CEP128: variants seen among roughly 807,000 people sequenced by gnomAD.
CEP128 encodes the protein centrosomal protein 128kDa.
In CEP128, 132 loss-of-function variants were observed where a neutral mutation model predicts 156.7. The observed-to-expected ratio is 0.84, with a 90% confidence interval of 0.73 to 0.97. The LOEUF (loss-of-function observed/expected upper bound fraction) is 0.97. CEP128 is among the 50% of genes least tolerant of loss of function. CEP128 has a pLI of 0.00. For missense variants in CEP128, 1,252 were observed against 1,281.9 expected (o/e 0.98, Z 0.36); for synonymous variants, 469 against 448.9 (o/e 1.04, Z -0.57).
At position 80,850,139 on chromosome 14, in the gene CEP128, A is replaced by G. The variant is rs1886814365; in HGVS notation, c.763-9371T>C. Among the ~76,000 whole-genome samples, 2 of 152,150 alleles carry G rather than the reference A, an allele frequency of 1.3e-5. 1 individual carries two copies. Among genetic ancestry groups the G allele is most frequent in the African/African-American group, 4.8e-5 (2 of 41,452 alleles). On this transcript the variant is annotated intron_variant, in intron 9 of 24. Coordinates refer to ENST00000555265, the MANE Select transcript of CEP128 (RefSeq NM_152446.5). Reference sequence around the variant, plus strand: ...ACTATAATACAAAGGCAAAGAAATGACAGTTTTCATGATAAATACAGCAGG... The same window carrying G: ...ACTATAATACAAAGGCAAAGAAATGGCAGTTTTCATGATAAATACAGCAGG...
intron 19 of CEP128, among the ~76,000 whole-genome samples, chr14:80,598,707 C>T (rs922117942): frequency 6.6e-6 from 1 of 152,048 alleles, no homozygotes; most frequent in African/African-American, 2.4e-5. Flanking sequence ...AATAAGTATA[C>T]CCAATTTCTA....
intron 19 of CEP128, among the ~76,000 whole-genome samples, chr14:80,628,459 C>G (rs899349329): frequency 1.3e-5 from 2 of 152,144 alleles, no homozygotes; most frequent in African/African-American, 4.8e-5. Flanking sequence ...CATATTTAAA[C>G]TAATTTCAAA....
chr14:80,491,243 C>T (rs756752125), intron 6 of CEP128, among the ~76,000 whole-genome samples: 15 of 152,196 alleles, frequency 9.9e-5, no homozygotes, highest in East Asian at 1.9e-4. Flanking sequence ...ACTCTTTCCA[C>T]GGTACACACT....
chr14:80,903,671 A>T (rs1484727333), intron 6 of CEP128, among the ~76,000 whole-genome samples: 4 of 152,210 alleles, frequency 2.6e-5, no homozygotes, highest in East Asian at 1.9e-4. Context: ...AAAAAAATTT[A>T]AAATGGGCAG....
chr14:80,821,788 G>A (rs767659715), intron 13 of CEP128, among the ~76,000 whole-genome samples: 11 of 151,480 alleles, frequency 7.3e-5, no homozygotes, highest in African/African-American at 1.7e-4. Flanking sequence ...TGATTCTCCC[G>A]TCTCAGCCCC....
chr14:80,717,965 C>T (rs896581605), intron 19 of CEP128, among the ~76,000 whole-genome samples: 5 of 152,062 alleles, frequency 3.3e-5, no homozygotes, highest in Non-Finnish European at 7.4e-5. Context: ...TAGGCATGCA[C>T]CATCACACTC....
intron 18 of CEP128, among the ~76,000 whole-genome samples, chr14:80,743,871 T>C (rs1898960443): frequency 6.7e-6 from 1 of 148,866 alleles, no homozygotes; most frequent in African/African-American, 2.4e-5. Context: ...TCTCTCTCTC[T>C]CACTCTTTTT....
intron 21 of CEP128, among the ~76,000 whole-genome samples, chr14:80,543,422 T>C (rs2140316624): frequency 6.6e-6 from 1 of 152,330 alleles, no homozygotes; most frequent in East Asian, 1.9e-4. Context: ...TGACAAACAA[T>C]TTATCTAGAC....
intron 9 of CEP128, among the ~76,000 whole-genome samples, chr14:80,855,962 A>T (rs1176956152): frequency 6.6e-6 from 1 of 152,218 alleles, no homozygotes; most frequent in Non-Finnish European, 1.5e-5. Flanking sequence ...TATCTGTATT[A>T]CTCAGCATCT....
chr14:80,680,138 G>A (rs966241968), intron 19 of CEP128, among the ~76,000 whole-genome samples: 5 of 152,154 alleles, frequency 3.3e-5, no homozygotes, highest in East Asian at 1.9e-4. Context: ...AGTAGCAAGC[G>A]CTGGAATTCG....
chr14:80,656,301 A>ATATATATTTT (rs1895153877), intron 19 of CEP128, among the ~76,000 whole-genome samples: 3 of 14,322 alleles, frequency 2.1e-4, no homozygotes, highest in African/African-American at 9.8e-4. Flanking sequence ...TTATATATAT[A>ATATATATTTT]TATATATATA....
chr14:80,716,287 G>C (rs1056898601), intron 19 of CEP128, among the ~76,000 whole-genome samples: 2 of 152,146 alleles, frequency 1.3e-5, no homozygotes, highest in Non-Finnish European at 2.9e-5. Context: ...TATATTCACA[G>C]AGGTGTACAA....
chr14:80,530,851 C>T lies in CEP128; in HGVS notation c.2916G>A (p.Val972=). Residue 972 remains valine, a synonymous_variant, in exon 22 of 25, where the codon GTG becomes GTA. Coordinates refer to ENST00000555265, the MANE Select transcript of CEP128 (RefSeq NM_152446.5). The part of the protein sequence containing the change: ...TQVALDHLES[V]PEKLSLLEDF... ...CTTCTAGTAGGCTCAGTTTCTCAGG[C>T]ACAGACTCCAGATGGTCCAAGGCCA... 1.2e-6 allele frequency: 2 copies of T among 1,609,318 alleles called. No homozygotes were observed. The highest frequency in any genetic ancestry group is 1.7e-6 in the Non-Finnish European group (2 of 1,177,404).
chr14:80,927,528 T>C (rs1048616438), intron 2 of CEP128, among the ~76,000 whole-genome samples: 1 of 152,180 alleles, frequency 6.6e-6, no homozygotes, highest in Non-Finnish European at 1.5e-5. Flanking sequence ...AGAGTCACAG[T>C]CCGCCTCTAC....
chr14:80,709,327 G>T (rs1897323178), intron 19 of CEP128, among the ~76,000 whole-genome samples: 1 of 151,884 alleles, frequency 6.6e-6, no homozygotes, highest in Non-Finnish European at 1.5e-5. Context: ...TAGTACAGAT[G>T]GGGTTTCACT....
chr14:80,910,469 G>A (rs755200333), intron 4 of CEP128, among the ~76,000 whole-genome samples: 20 of 152,092 alleles, frequency 1.3e-4, no homozygotes, highest in Non-Finnish European at 2.5e-4. Flanking sequence ...TTAAAAGTGT[G>A]TAGCACCTCC....
At chr14:80,833,132 G>C (rs528170135) in intron 12 of CEP128, among the ~76,000 whole-genome samples, 1 of 151,890 alleles carries the variant, frequency 6.6e-6, no homozygotes, top group South Asian at 2.1e-4. Flanking sequence ...TTATCTATTT[G>C]TAAATGTATT....
At chr14:80,858,965 C>T (rs906268628) in intron 9 of CEP128, among the ~76,000 whole-genome samples, 2 of 151,966 alleles carry the variant, frequency 1.3e-5, no homozygotes, top group Non-Finnish European at 2.9e-5. Context: ...TAAACTAGTT[C>T]AACCATTGTG....
chr14:80,576,787 C>A lies in CEP128; in HGVS notation c.2856+3587G>T, dbSNP rs78506861. On this transcript the variant is annotated intron_variant, in intron 20 of 24. Coordinates refer to ENST00000555265, the MANE Select transcript of CEP128 (RefSeq NM_152446.5). ...TTTTAATGGGTGGATCTTGAGGAGA[C>A]CCAGGAATAGGGGCTATATAAATAA... Among the ~76,000 whole-genome samples, 124 of 152,060 alleles carry A rather than the reference C, an allele frequency of 8.2e-4. 1 individual carries two copies. Among genetic ancestry groups the A allele is most frequent in the East Asian group, 7.4e-3 (38 of 5,168 alleles).
Sources: allele counts gnomAD v4.1 joint callset (sites outside exome capture counted in the v4.1 genomes callset), GRCh38; gene constraint gnomAD v4.1.1; transcripts MANE v1.5; gene names NCBI Gene and HGNC (gene_info 2026-07-23, HGNC 2026-07-21).